The following MYO9A variants were observed in gnomAD, a reference collection of about 807,000 sequenced individuals.
MYO9A encodes the protein unconventional myosin-IXa.
In MYO9A, 103 loss-of-function variants were observed where a neutral mutation model predicts 293.3. The ratio of observed to expected loss-of-function variants is 0.35; its 90% CI spans 0.30 to 0.41. The LOEUF (loss-of-function observed/expected upper bound fraction) is 0.41. Among genes scored for constraint, MYO9A ranks in the 10% least tolerant of loss-of-function variants. MYO9A has a pLI of 1.00. For synonymous variants in MYO9A, 1,001 were observed against 1,035.7 expected (o/e 0.97, Z 0.64); for missense variants, 2,685 against 3,033.0 (o/e 0.89, Z 2.69).
intron 37 of MYO9A, among the ~76,000 whole-genome samples, 168 bp from the exon 38 acceptor site, chr15:71,850,335 C>G (rs2055580840): frequency 6.6e-6 from 1 of 152,120 alleles, no homozygotes; most frequent in South Asian, 2.1e-4. Flanking sequence ...CCAAGTTGTT[C>G]CTTTGTTCCT....
chr15:71,833,425 G>T (rs2054809700), intron 39 of MYO9A, among the ~76,000 whole-genome samples: 2 of 151,950 alleles, frequency 1.3e-5, no homozygotes, highest in African/African-American at 4.8e-5. Context: ...ATATTATGAA[G>T]AATAACATTT....
At chr15:71,928,523 C>T (rs2145559442) in intron 18 of MYO9A, among the ~76,000 whole-genome samples, 1 of 152,038 alleles carries the variant, frequency 6.6e-6, no homozygotes, top group African/African-American at 2.4e-5. Flanking sequence ...CAGTGAATCA[C>T]TCTGGGCAAT....
intron 1 of MYO9A, among the ~76,000 whole-genome samples, chr15:72,108,762 A>AT (rs3028363): frequency 0.72 from 99,715 of 139,086 alleles, 37,173 homozygotes; most frequent in Middle Eastern, 0.75. Context: ...TGACACATAC[A>AT]TTTTTTTTTT....
At chr15:71,895,824 T>C (rs1297913210) in intron 25 of MYO9A, among the ~76,000 whole-genome samples, 2 of 152,178 alleles carry the variant, frequency 1.3e-5, no homozygotes, top group Admixed American at 6.5e-5. Context: ...GGATGATTAA[T>C]ATTTTTTAGA....
intron 5 of MYO9A, among the ~76,000 whole-genome samples, chr15:72,019,480 T>C (rs1210763422): frequency 6.6e-6 from 1 of 152,108 alleles, no homozygotes; most frequent in East Asian, 1.9e-4. Flanking sequence ...AAAAAGAAAA[T>C]CTTTAATCAC....
chr15:71,915,972 G>A (rs4777472), intron 19 of MYO9A, among the ~76,000 whole-genome samples: 140,488 of 152,144 alleles, frequency 0.92, 65,247 homozygotes, highest in Non-Finnish European at 0.97. Flanking sequence ...AAATACACAG[G>A]AAAAAAACCT....
intron 26 of MYO9A, chr15:71,888,571 AT>A (rs912111747): frequency 6.6e-6 from 1 of 152,408 alleles, no homozygotes; most frequent in African/African-American, 2.4e-5. Context: ...ATATGCAATG[AT>A]TTTTAAAGAG....
chr15:72,061,867 T>C (rs2078888091), intron 1 of MYO9A, among the ~76,000 whole-genome samples: 1 of 152,146 alleles, frequency 6.6e-6, no homozygotes, highest in African/African-American at 2.4e-5. Flanking sequence ...CAGGCAATAG[T>C]CACCACAGGC....
Position 71,823,252 on chromosome 15 carries a change from G to A in MYO9A, c.*3328C>T, listed in dbSNP as rs2054342378. The A allele has an allele frequency of 6.6e-6, 1 of 152,228 alleles. No individual in the cohort carries two copies. The highest frequency in any genetic ancestry group is 2.4e-5 in the African/African-American group (1 of 41,456). 9.4% of individuals were successfully genotyped at this position (152,228 alleles called of 1,614,324 possible). A position where few individuals can be genotyped will look rare whatever the true frequency, so the allele number is the denominator to read the frequency against. Reference sequence around the variant, plus strand: ...TTACAGTGAAAAACACAGCCCACAGGCACTGAGGTGGGACTACAGAACCTT... The same window carrying A: ...TTACAGTGAAAAACACAGCCCACAGACACTGAGGTGGGACTACAGAACCTT... On this transcript the variant is annotated 3_prime_UTR_variant, in exon 42 of 42. Coordinates refer to ENST00000356056, the MANE Select transcript of MYO9A (RefSeq NM_006901.4).
At chr15:71,993,919 T>C (rs1279582852) in intron 10 of MYO9A, 3 of 141,312 alleles carry the variant, frequency 2.1e-5, no homozygotes, top group Non-Finnish European at 3.0e-5. Context: ...ATCATGCCAC[T>C]GCACTCCAGC....
intron 1 of MYO9A, among the ~76,000 whole-genome samples, chr15:72,103,409 G>A (rs976464927): frequency 7.1e-6 from 1 of 141,322 alleles, no homozygotes; most frequent in Non-Finnish European, 1.5e-5. Context: ...GCAGCAAGCA[G>A]CAAGCAGCAG....
At chr15:72,048,675 T>C (rs561322244) in intron 1 of MYO9A, among the ~76,000 whole-genome samples, 1 of 152,322 alleles carries the variant, frequency 6.6e-6, no homozygotes, top group East Asian at 1.9e-4. Context: ...TACCTTAATG[T>C]GTTGTTCTTT....
At chr15:71,951,530 C>A (rs1349754919) in intron 15 of MYO9A, among the ~76,000 whole-genome samples, 1 of 151,898 alleles carries the variant, frequency 6.6e-6, no homozygotes, top group African/African-American at 2.4e-5. Flanking sequence ...AATCCAGTGA[C>A]TGTAACCAAG....
rs1483589881 is a variant in MYO9A, at chr15:71,896,146, A to G, written c.5042+1315T>C. On this transcript the variant is annotated intron_variant, in intron 25 of 41. Coordinates refer to ENST00000356056, the MANE Select transcript of MYO9A (RefSeq NM_006901.4). ...AAGCTCAACTGCACTTTGTAATACT[A>G]TAGAGACTCTTGGAAAAATATATTA... is the stretch of plus-strand genomic sequence containing the variant. Among the ~76,000 whole-genome samples the G allele has an allele frequency of 2.0e-5, 3 of 152,196 alleles. No individual in the cohort carries two copies. The East Asian group carries it at 5.8e-4, about 29-fold the overall frequency.
chr15:71,899,853 T>C lies in MYO9A; in HGVS notation c.3304A>G (p.Ile1102Val), dbSNP rs199675276. Residue 1102 changes from isoleucine to valine, a missense_variant, in exon 24 of 42, where the codon ATC (isoleucine) becomes GTC (valine). By Grantham distance (29) the Ile-to-Val change is conservative. Coordinates refer to ENST00000356056, the MANE Select transcript of MYO9A (RefSeq NM_006901.4). ...TCTCTCCATTTCTGCTGGATAACGA[T>C]GGCTGCAGCCCGTAACTCCAAGTAC... ...QRYLELRAAA[I>V]VIQQKWRDYY... is the part of the protein sequence containing the mutation. 2 of 1,614,046 alleles carry C rather than the reference T, an allele frequency of 1.2e-6. No homozygotes were observed. Among genetic ancestry groups the C allele is most frequent in the African/African-American group, 1.3e-5 (1 of 74,934 alleles).
In MYO9A at chr15:71,826,616, C is replaced by CTGT; in HGVS notation, c.7608_7610dup (p.Gln2537dup). Reference sequence around the variant, plus strand: ...ATTCATTATTTCCAAAGAGTGCTAGCTGTTGGTTGGAGGTGCAGTCTGGGT... The same window carrying CTGT: ...ATTCATTATTTCCAAAGAGTGCTAGCTGTTGTTGGTTGGAGGTGCAGTCTGGGT... On this transcript the variant is annotated inframe_insertion, in exon 42 of 42. Coordinates refer to ENST00000356056, the MANE Select transcript of MYO9A (RefSeq NM_006901.4). The CTGT allele has an allele frequency of 1.9e-6, 3 of 1,608,612 alleles. No individual in the cohort carries two copies. Among genetic ancestry groups the CTGT allele is most frequent in the Non-Finnish European group, 2.5e-6 (3 of 1,178,536 alleles).
intron 11 of MYO9A, among the ~76,000 whole-genome samples, chr15:71,980,422 C>T (rs1220885697): frequency 1.3e-5 from 2 of 152,148 alleles, no homozygotes; most frequent in Non-Finnish European, 2.9e-5. Flanking sequence ...CGGTGAATGC[C>T]TACTAGTAGC....
chr15:71,842,964 C>CTCTT (rs1020215795), intron 39 of MYO9A, among the ~76,000 whole-genome samples: 1 of 151,788 alleles, frequency 6.6e-6, no homozygotes, highest in Non-Finnish European at 1.5e-5. Flanking sequence ...CAATGTTAGA[C>CTCTT]TCTTTTAGTT....
chr15:72,038,919 A>C (rs2078143635), intron 2 of MYO9A, among the ~76,000 whole-genome samples: 1 of 152,158 alleles, frequency 6.6e-6, no homozygotes. Context: ...ATGTATAATT[A>C]GTTTAATAAC....
Sources: allele counts gnomAD v4.1 joint callset (sites outside exome capture counted in the v4.1 genomes callset), GRCh38; gene constraint gnomAD v4.1.1; transcripts MANE v1.5; gene names NCBI Gene and HGNC (gene_info 2026-07-23, HGNC 2026-07-21).